Variants in IL1RL1 observed in about 807,000 individuals in gnomAD.
IL1RL1 encodes the protein interleukin 1 receptor like 1.
Under a neutral mutation model 50.9 loss-of-function variants are expected in IL1RL1, and 32 were observed. The ratio of observed to expected loss-of-function variants is 0.63; its 90% confidence interval spans 0.47 to 0.84. The LOEUF is 0.84. Ranked by LOEUF, IL1RL1 falls within the 40% of genes least tolerant of loss-of-function variation. The probability of loss-of-function intolerance (pLI) is 0.00; values close to 1 mark genes in which losing one functional copy is unlikely to be tolerated. For synonymous variants in IL1RL1, 275 were observed against 236.0 expected (o/e 1.17, Z -1.51); for missense variants, 773 against 662.9 (o/e 1.17, Z -1.82).
chr2:102,334,996 G>C (rs990714598), intron 1 of IL1RL1, among the ~76,000 whole-genome samples: 1 of 152,056 alleles, frequency 6.6e-6, no homozygotes, highest in Non-Finnish European at 1.5e-5. Flanking sequence ...AGAAAAAGCT[G>C]GTTCAATGAG....
chr2:102,322,210 G>A (rs1046458463), intron 1 of IL1RL1, among the ~76,000 whole-genome samples: 9 of 152,296 alleles, frequency 5.9e-5, no homozygotes, highest in African/African-American at 2.2e-4. Context: ...TTGCAGTCTT[G>A]AGGCAGAATT....
At chr2:102,344,448 A>G in intron 8 of IL1RL1, 1 of 724,324 alleles carries the variant, frequency 1.4e-6, no homozygotes, top group Non-Finnish European at 1.7e-6. Flanking sequence ...GTTATTCACC[A>G]TGTAATTCAG....
intron 8 of IL1RL1, among the ~76,000 whole-genome samples, chr2:102,346,669 T>C (rs1398176217): frequency 4.6e-5 from 7 of 151,968 alleles, no homozygotes; most frequent in African/African-American, 1.5e-4. Context: ...ACTTACGGAG[T>C]TTTCATTATT....
At chr2:102,340,378 C>T (rs1267238567) in intron 4 of IL1RL1, 106 bp downstream of exon 4, 2 of 944,716 alleles carry the variant, frequency 2.1e-6, no homozygotes, top group South Asian at 1.6e-5. Flanking sequence ...TTTGGGAGGC[C>T]AAGGCAGGCA....
chr2:102,328,644 G>T (rs749294020), intron 1 of IL1RL1, among the ~76,000 whole-genome samples: 1 of 152,186 alleles, frequency 6.6e-6, no homozygotes, highest in African/African-American at 2.4e-5. Flanking sequence ...CTTCAGCAAA[G>T]TCTCAGGATA....
At chr2:102,319,264 C>T (rs1676766929) in intron 1 of IL1RL1, among the ~76,000 whole-genome samples, 1 of 152,014 alleles carries the variant, frequency 6.6e-6, no homozygotes. Flanking sequence ...TATATAATCA[C>T]AAATATATCT....
intron 8 of IL1RL1, chr2:102,346,051 A>C: frequency 1.0e-6 from 1 of 978,378 alleles, no homozygotes. Flanking sequence ...ACATGGTTAC[A>C]CTCTGTTTCA....
intron 5 of IL1RL1, chr2:102,341,244 T>C: frequency 8.1e-7 from 1 of 1,239,182 alleles, no homozygotes; most frequent in Non-Finnish European, 1.0e-6. Context: ...TAATACTCAT[T>C]GGATTCAAAG....
chr2:102,341,436 C>A, intron 5 of IL1RL1: 1 of 720,644 alleles, frequency 1.4e-6, no homozygotes, highest in Non-Finnish European at 1.8e-6. Context: ...AAAGATTTCA[C>A]AATCATAGCT....
chr2:102,351,465 T>C, intron 10 of IL1RL1, 71 bp from the exon 11 acceptor site: 3 of 1,343,864 alleles, frequency 2.2e-6, no homozygotes, highest in Non-Finnish European at 3.1e-6. Flanking sequence ...ATAAGACTTT[T>C]AAATGTTCAG....
At chr2:102,312,115 ATAT>A (rs777734859) in intron 1 of IL1RL1, among the ~76,000 whole-genome samples, 5 of 117,534 alleles carry the variant, frequency 4.3e-5, no homozygotes, top group Admixed American at 1.3e-4. Flanking sequence ...AATATATATA[ATAT>A]TATATTTATA....
chr2:102,344,030 T>G, intron 8 of IL1RL1: 9 of 434,902 alleles, frequency 2.1e-5, no homozygotes, highest in Non-Finnish European at 2.5e-5. Flanking sequence ...CTCACAGTTC[T>G]GCAGGCTGTA....
chr2:102,320,153 C>T (rs1559595157), intron 1 of IL1RL1, among the ~76,000 whole-genome samples: 1 of 152,154 alleles, frequency 6.6e-6, no homozygotes, highest in African/African-American at 2.4e-5. Flanking sequence ...AAGCAAAAAA[C>T]TGTTTGGTGC....
chr2:102,324,072 A>G (rs751718851), intron 1 of IL1RL1, among the ~76,000 whole-genome samples: 1 of 146,828 alleles, frequency 6.8e-6, no homozygotes, highest in Non-Finnish European at 1.5e-5. Flanking sequence ...GTTTAGCCAT[A>G]TATGTGCTGA....
intron 1 of IL1RL1, among the ~76,000 whole-genome samples, chr2:102,333,501 G>A (rs748498282): frequency 6.6e-6 from 1 of 152,342 alleles, no homozygotes; most frequent in Non-Finnish European, 1.5e-5. Context: ...AGGGAGGCAA[G>A]GAGGCTGGAG....
Position 102,338,310 on chromosome 2 carries a change from A to G in IL1RL1, c.46A>G (p.Thr16Ala). Reference sequence around the variant, plus strand: ...AATTCTCACAATTCTCATGTATTCCACAGCAGCAAAGTTTAGTAAGTATTG... The same window carrying G: ...AATTCTCACAATTCTCATGTATTCCGCAGCAGCAAAGTTTAGTAAGTATTG... ...LAILTILMYS[T>A]AAKFSKQSWG... Residue 16 changes from threonine (T) to alanine (A), a missense_variant, in exon 2 of 11, where the codon ACA becomes GCA. Thr to Ala is a moderately conservative substitution (Grantham distance 58). Coordinates refer to ENST00000233954, the MANE Select transcript of IL1RL1 (RefSeq NM_016232.5). 2 of 1,598,738 alleles carry G rather than the reference A, an allele frequency of 1.3e-6. No homozygotes were observed. Among genetic ancestry groups the G allele is most frequent in the Non-Finnish European group, 1.7e-6 (2 of 1,168,212 alleles).
intron 5 of IL1RL1, among the ~76,000 whole-genome samples, chr2:102,341,974 T>C (rs1462321037): frequency 1.3e-5 from 2 of 152,086 alleles, no homozygotes; most frequent in African/African-American, 2.4e-5. Context: ...GTTTAAGTGA[T>C]ATCAGAGAAT....
At chr2:102,340,069 T>A (rs770795264) in intron 3 of IL1RL1, 29 bp from the exon 4 acceptor site, 2 of 1,367,572 alleles carry the variant, frequency 1.5e-6, no homozygotes, top group South Asian at 3.4e-5. Flanking sequence ...GCTAAGTGAC[T>A]CTTTTAATTG....
intron 4 of IL1RL1, 29 bp from the exon 5 acceptor site, chr2:102,340,637 T>A: frequency 5.1e-6 from 8 of 1,577,050 alleles, no homozygotes; most frequent in Non-Finnish European, 6.0e-6. Flanking sequence ...GAAGAATTAC[T>A]GAGAAGGAAA....
Sources: allele counts gnomAD v4.1 joint callset (sites outside exome capture counted in the v4.1 genomes callset), GRCh38; gene constraint gnomAD v4.1.1; transcripts MANE v1.5; gene names NCBI Gene and HGNC (gene_info 2026-07-23, HGNC 2026-07-21).